PDE1A: variants seen among roughly 807,000 people sequenced by gnomAD.
PDE1A encodes the protein dual specificity calcium/calmodulin-dependent 3',5'-cyclic nucleotide phosphodiesterase 1A.
PDE1A carries 35 observed loss-of-function variants against 61.7 expected under a neutral mutation model. The observed-to-expected ratio is 0.57, with a 90% CI of 0.43 to 0.75. PDE1A has a LOEUF of 0.75. Ranked by LOEUF, PDE1A falls within the 30% of genes least tolerant of loss-of-function variation. The pLI is 0.00. For missense variants in PDE1A, 597 were observed against 630.6 expected (o/e 0.95, Z 0.57); for synonymous variants, 232 against 213.2 (o/e 1.09, Z -0.77).
chr2:182,678,784 C>T, the PDE1A span, among the ~76,000 whole-genome samples: 5 of 151,894 alleles, frequency 3.3e-5, no homozygotes, highest in Admixed American at 2.0e-4. Context: ...GTAGTGGTTA[C>T]CAGAGGCTGC....
At chr2:182,494,582 T>C (rs1331130083) in intron 2 of PDE1A, among the ~76,000 whole-genome samples, 1 of 59,516 alleles carries the variant, frequency 1.7e-5, no homozygotes, top group African/African-American at 4.9e-5. Context: ...TCTCCACCCC[T>C]GGATGAATCC....
At chr2:182,692,972 C>G in the PDE1A span, among the ~76,000 whole-genome samples, 1 of 151,974 alleles carries the variant, frequency 6.6e-6, no homozygotes, top group East Asian at 1.9e-4. Context: ...CACCTATAGT[C>G]CTAGCTACTT....
At chr2:182,676,492 A>G in the PDE1A span, among the ~76,000 whole-genome samples, 1 of 152,176 alleles carries the variant, frequency 6.6e-6, no homozygotes, top group Admixed American at 6.5e-5. Flanking sequence ...CAGATGTACA[A>G]AAAAGAGCTG....
At chr2:182,578,839 G>A in the PDE1A span, among the ~76,000 whole-genome samples, 14 of 152,076 alleles carry the variant, frequency 9.2e-5, no homozygotes, top group African/African-American at 3.4e-4. Flanking sequence ...AGGTTGAAGG[G>A]AGTATTATCA....
At chr2:182,312,210 T>C (rs1256019952) in intron 1 of PDE1A, among the ~76,000 whole-genome samples, 2 of 152,150 alleles carry the variant, frequency 1.3e-5, no homozygotes, top group East Asian at 1.9e-4. Flanking sequence ...TTTTCAGATA[T>C]ATGGTTTGCA....
chr2:182,643,272 T>C, the PDE1A span, among the ~76,000 whole-genome samples: 4 of 152,192 alleles, frequency 2.6e-5, no homozygotes, highest in African/African-American at 9.7e-5. Context: ...TAGTTCTCAT[T>C]TTATACAGAT....
the PDE1A span, among the ~76,000 whole-genome samples, chr2:182,660,621 A>T: frequency 6.6e-6 from 1 of 152,230 alleles, no homozygotes; most frequent in Non-Finnish European, 1.5e-5. Flanking sequence ...GCTTAAGAGA[A>T]GGAAAGCAAA....
At chr2:182,339,557 T>C (rs1476568722) in intron 1 of PDE1A, among the ~76,000 whole-genome samples, 1 of 152,174 alleles carries the variant, frequency 6.6e-6, no homozygotes, top group Non-Finnish European at 1.5e-5. Context: ...AGTGACTCAA[T>C]TCAATTCTTT....
chr2:182,209,728 T>C (rs1687421538), intron 7 of PDE1A, among the ~76,000 whole-genome samples: 1 of 151,886 alleles, frequency 6.6e-6, no homozygotes, highest in Non-Finnish European at 1.5e-5. Flanking sequence ...CTTGCCACCA[T>C]GTGAAAATAT....
At chr2:182,217,545 C>G (rs1283741818) in intron 7 of PDE1A, among the ~76,000 whole-genome samples, 3 of 147,654 alleles carry the variant, frequency 2.0e-5, no homozygotes, top group Non-Finnish European at 4.5e-5. Context: ...TATCCAGACT[C>G]TACAATGAAC....
rs201637207 is a variant in PDE1A, at chr2:182,157,014, ATT to A, written c.1517-9864_1517-9863del. The stretch of plus-strand genomic sequence containing the variant: ...TATTATTATTATTTTATTTTATTTT[ATT>A]TTATTTTTTTTTTTTTGAGACAGAG... On this transcript the variant is annotated intron_variant, in intron 13 of 13. Coordinates refer to the PDE1A transcript ENST00000409365. Among the ~76,000 whole-genome samples the A allele has an allele frequency of 5.7e-3, 471 of 81,958 alleles. 5 individuals are homozygous for A. Among genetic ancestry groups the A allele is most frequent in the African/African-American group, 0.024 (389 of 16,248 alleles). The allele number at this position is 81,958 out of a possible 152,430, so 53.8% of individuals were successfully genotyped here.
chr2:182,213,824 A>G (rs1687896975), intron 7 of PDE1A, among the ~76,000 whole-genome samples: 1 of 83,716 alleles, frequency 1.2e-5, no homozygotes, highest in Admixed American at 1.3e-4. Context: ...GGAGAATGGA[A>G]CCAAGTTGGA....
chr2:182,493,113 C>T (rs571728080), intron 2 of PDE1A, among the ~76,000 whole-genome samples: 1 of 152,218 alleles, frequency 6.6e-6, no homozygotes, highest in African/African-American at 2.4e-5. Context: ...CAAAACACTA[C>T]CAGAAACTTA....
chr2:182,223,996 C>A, intron 6 of PDE1A, 32 bp from the exon 7 acceptor site: 1 of 1,422,924 alleles, frequency 7.0e-7, no homozygotes, highest in South Asian at 1.2e-5. Context: ...CCATTATATT[C>A]AAGAAGTAGA....
the PDE1A span, among the ~76,000 whole-genome samples, chr2:182,697,242 C>T: frequency 6.6e-6 from 1 of 152,206 alleles, no homozygotes; most frequent in Non-Finnish European, 1.5e-5. Flanking sequence ...ATGGAAGGAA[C>T]ATGGACCTTG....
intron 2 of PDE1A, among the ~76,000 whole-genome samples, chr2:182,504,667 T>C (rs1044709655): frequency 4.6e-5 from 7 of 152,210 alleles, no homozygotes; most frequent in African/African-American, 1.7e-4. Flanking sequence ...GATCTCCTTT[T>C]GGATAGATGA....
chr2:182,351,562 G>C (rs2125104704), intron 1 of PDE1A, among the ~76,000 whole-genome samples: 1 of 152,270 alleles, frequency 6.6e-6, no homozygotes, highest in East Asian at 1.9e-4. Context: ...TTCCGACAGG[G>C]TGATATCAGA....
chr2:182,193,112 C>T (rs2195880), intron 10 of PDE1A, among the ~76,000 whole-genome samples: 9 of 151,752 alleles, frequency 5.9e-5, no homozygotes, highest in East Asian at 1.9e-4. Context: ...CTCAGCCTCC[C>T]GAGTAGATGG....
At chr2:182,321,032 A>T (rs188540638) in intron 1 of PDE1A, among the ~76,000 whole-genome samples, 13 of 152,342 alleles carry the variant, frequency 8.5e-5, no homozygotes, top group Admixed American at 2.0e-4. Context: ...TTCTAATAAA[A>T]TGCTTAAATA....
Sources: allele counts gnomAD v4.1 joint callset (sites outside exome capture counted in the v4.1 genomes callset), GRCh38; gene constraint gnomAD v4.1.1; transcripts MANE v1.5; gene names NCBI Gene and HGNC (gene_info 2026-07-23, HGNC 2026-07-21).